The following CCSER1 variants were observed in gnomAD, a reference collection of about 807,000 sequenced individuals.
CCSER1 encodes the protein coiled-coil serine rich protein 1.
CCSER1 carries 41 observed loss-of-function variants against 82.0 expected under a neutral mutation model. That is an observed-to-expected ratio of 0.50 (90% CI 0.39 to 0.65). CCSER1 has a LOEUF of 0.65. Among genes scored for constraint, CCSER1 ranks in the 30% least tolerant of loss-of-function variants. The pLI, the probability that CCSER1 is intolerant of heterozygous loss-of-function variation, is 0.00. For missense variants in CCSER1, 1,119 were observed against 1,064.2 expected (o/e 1.05, Z -0.72); for synonymous variants, 414 against 383.9 (o/e 1.08, Z -0.92).
At chr4:91,248,965 G>A (rs1162619185) in intron 10 of CCSER1, among the ~76,000 whole-genome samples, 1 of 152,068 alleles carries the variant, frequency 6.6e-6, no homozygotes, top group Non-Finnish European at 1.5e-5. Flanking sequence ...ATTCTCTGTA[G>A]AGGTGGGTAC....
At chr4:91,086,522 G>C (rs1235995524) in intron 10 of CCSER1, among the ~76,000 whole-genome samples, 1 of 149,454 alleles carries the variant, frequency 6.7e-6, no homozygotes, top group Non-Finnish European at 1.5e-5. Context: ...TTTTTTCCCT[G>C]CTAAATGTAT....
intron 10 of CCSER1, among the ~76,000 whole-genome samples, chr4:91,254,682 A>G (rs56163926): frequency 6.6e-6 from 1 of 151,952 alleles, no homozygotes; most frequent in African/African-American, 2.4e-5. Context: ...CAAAAGTGGT[A>G]AAGATGCTAA....
chr4:90,709,098 A>G (rs994340592), intron 6 of CCSER1, among the ~76,000 whole-genome samples: 4 of 152,188 alleles, frequency 2.6e-5, no homozygotes, highest in African/African-American at 9.6e-5. Context: ...TGACAGGATT[A>G]ATGAAGTTAT....
chr4:91,032,427 G>A (rs1741063910), intron 9 of CCSER1, among the ~76,000 whole-genome samples: 1 of 152,132 alleles, frequency 6.6e-6, no homozygotes. Flanking sequence ...AAAAGGAAAC[G>A]ATGTACATCA....
intron 5 of CCSER1, among the ~76,000 whole-genome samples, chr4:90,602,853 C>T (rs1028359270): frequency 2.6e-5 from 4 of 152,174 alleles, no homozygotes; most frequent in African/African-American, 9.7e-5. Context: ...CCAACCTTTG[C>T]TACACAGGGG....
intron 8 of CCSER1, among the ~76,000 whole-genome samples, chr4:90,887,510 A>G (rs1324637945): frequency 6.6e-6 from 1 of 152,208 alleles, no homozygotes; most frequent in East Asian, 1.9e-4. Context: ...TTCTAAATGA[A>G]ATTATAAATT....
intron 10 of CCSER1, among the ~76,000 whole-genome samples, chr4:91,215,239 A>G (rs1473845930): frequency 1.3e-5 from 2 of 152,194 alleles, no homozygotes; most frequent in Non-Finnish European, 2.9e-5. Flanking sequence ...TGAAAGAAAT[A>G]ATGATAGCTG....
chr4:90,791,777 G>A (rs564699968), intron 7 of CCSER1, among the ~76,000 whole-genome samples: 13 of 150,406 alleles, frequency 8.6e-5, no homozygotes, highest in Non-Finnish European at 1.5e-4. Flanking sequence ...AGCCGAGATC[G>A]CGCCACTGCA....
chr4:90,707,928 C>A (rs1233108404), intron 6 of CCSER1, among the ~76,000 whole-genome samples: 2 of 152,074 alleles, frequency 1.3e-5, no homozygotes, highest in African/African-American at 4.8e-5. Context: ...TACAAGCTGC[C>A]AATATTATCC....
At chr4:91,501,485 AAG>A (rs1246228147) in intron 10 of CCSER1, among the ~76,000 whole-genome samples, 2 of 151,988 alleles carry the variant, frequency 1.3e-5, no homozygotes, top group Admixed American at 6.6e-5. Context: ...TGCTAATTTA[AAG>A]AGTTACATAA....
chr4:90,133,390 T>A (rs961334038), intron 1 of CCSER1, among the ~76,000 whole-genome samples: 3 of 152,144 alleles, frequency 2.0e-5, no homozygotes. Flanking sequence ...ATGCAAAGGG[T>A]ATGCACAATA....
chr4:90,998,900 A>C (rs556598707), intron 9 of CCSER1, among the ~76,000 whole-genome samples: 2 of 152,176 alleles, frequency 1.3e-5, no homozygotes, highest in South Asian at 4.2e-4. Context: ...TCCATGCCCT[A>C]GTAGTCCCCA....
chr4:90,198,895 T>G (rs1227606222), intron 1 of CCSER1, among the ~76,000 whole-genome samples: 2 of 152,208 alleles, frequency 1.3e-5, no homozygotes, highest in Non-Finnish European at 2.9e-5. Flanking sequence ...AATCTTTACA[T>G]TTATTGTGAC....
At chr4:91,241,450 C>CGAG (rs925026576) in intron 10 of CCSER1, among the ~76,000 whole-genome samples, 2 of 148,366 alleles carry the variant, frequency 1.3e-5, no homozygotes, top group Non-Finnish European at 3.0e-5. Context: ...CTCAGCCTCC[C>CGAG]GAGTAGCTGG....
chr4:91,455,547 A>T (rs1024361466), intron 10 of CCSER1, among the ~76,000 whole-genome samples: 1 of 151,994 alleles, frequency 6.6e-6, no homozygotes, highest in Non-Finnish European at 1.5e-5. Flanking sequence ...CACCGTATAT[A>T]CTGGAACCTC....
chr4:90,931,536 A>C (rs1729820535), intron 9 of CCSER1, among the ~76,000 whole-genome samples: 1 of 152,226 alleles, frequency 6.6e-6, no homozygotes, highest in South Asian at 2.1e-4. Context: ...CTAATGAAAT[A>C]GTGATAACAA....
intron 10 of CCSER1, among the ~76,000 whole-genome samples, chr4:91,149,965 T>C (rs554631009): frequency 2.0e-5 from 3 of 152,204 alleles, no homozygotes; most frequent in Admixed American, 6.5e-5. Flanking sequence ...AATGCAGGCT[T>C]TTTTTTGGTT....
intron 4 of CCSER1, among the ~76,000 whole-genome samples, chr4:90,404,659 GAAAGACC>G (rs1327734294): frequency 6.6e-5 from 10 of 152,198 alleles, no homozygotes; most frequent in African/African-American, 1.9e-4. Context: ...ATCCAGGTCT[GAAAGACC>G]TGAACATGGA....
intron 4 of CCSER1, among the ~76,000 whole-genome samples, chr4:90,449,508 G>A (rs978429673): frequency 1.1e-4 from 17 of 152,300 alleles, no homozygotes; most frequent in Admixed American, 9.8e-4. Context: ...CATTCATGAC[G>A]CTCATGGTGC....
Sources: allele counts gnomAD v4.1 joint callset (sites outside exome capture counted in the v4.1 genomes callset), GRCh38; gene constraint gnomAD v4.1.1; transcripts MANE v1.5; gene names NCBI Gene and HGNC (gene_info 2026-07-23, HGNC 2026-07-21).